TMEM59: variants seen among roughly 807,000 people sequenced by gnomAD.
TMEM59 encodes dendritic cell factor 1.
Under a neutral mutation model 42.2 loss-of-function variants are expected in TMEM59, and 44 were observed. The ratio of observed to expected loss-of-function variants is 1.04; its 90% CI spans 0.82 to 1.34. The LOEUF (loss-of-function observed/expected upper bound fraction) is 1.34. Among genes scored for constraint, TMEM59 ranks in the 40% most tolerant of loss-of-function variants. TMEM59 has a pLI of 0.00. For missense variants in TMEM59, 359 were observed against 382.8 expected, an observed-to-expected ratio of 0.94 and a Z score of 0.52; for synonymous variants, 148 against 145.8, an observed-to-expected ratio of 1.02 and a Z score of -0.11.
At chr1:54,036,818 A>C in intron 6 of TMEM59, 100 bp from the exon 7 acceptor site, 1 of 674,230 alleles carries the variant, frequency 1.5e-6, no homozygotes. Context: ...CAGTACAATT[A>C]AAACTTTGTT....
At chr1:54,037,572 T>C (rs1369340256) in intron 6 of TMEM59, among the ~76,000 whole-genome samples, 15 of 152,210 alleles carry the variant, frequency 9.9e-5, no homozygotes, top group East Asian at 1.9e-4. Flanking sequence ...ACAAACTGTG[T>C]AATACAGATA....
At chr1:54,037,018 G>A (rs1656976080) in intron 6 of TMEM59, among the ~76,000 whole-genome samples, 1 of 152,118 alleles carries the variant, frequency 6.6e-6, no homozygotes, top group South Asian at 2.1e-4. Context: ...GCAAGTGAAA[G>A]TGTCCTGTAA....
chr1:54,053,176 T>G lies in TMEM59; in HGVS notation c.13A>C (p.Lys5Gln), dbSNP rs1007080168. The part of the protein sequence containing the change: MAAP[K>Q]GSLWVRTQLG... ...TGGGTCCTCACCCAGAGGCTCCCCT[T>G]CGGCGCCGCCATCTTGTTCCCCTCT... The change falls in exon 1 of 8, where the codon AAG (lysine) becomes CAG (glutamine). Residue 5 changes from lysine to glutamine, a missense_variant. By Grantham distance (53) the Lys-to-Gln change is moderately conservative. Transcript: ENST00000234831. 3 of 1,614,066 alleles carry G rather than the reference T, an allele frequency of 1.9e-6. No homozygotes were observed. In the East Asian group the frequency reaches 6.7e-5, roughly 36 times the overall value.
Position 54,026,790 on chromosome 1 carries a change from G to A in TMEM59, c.*5360C>T, listed in dbSNP as rs1299322825. The A allele has an allele frequency of 6.6e-6, 1 of 152,192 alleles. No individual in the cohort carries two copies. Among genetic ancestry groups the A allele is most frequent in the Admixed American group, 6.5e-5 (1 of 15,286 alleles). 9.4% of individuals were successfully genotyped at this position (152,192 alleles called of 1,614,324 possible). Reference sequence around the variant, plus strand: ...ATGGTGGCATGATGGTACACCTGGAGGTAACATTATCAAGAGCTTTTGTTG... The same window carrying A: ...ATGGTGGCATGATGGTACACCTGGAAGTAACATTATCAAGAGCTTTTGTTG... On this transcript the variant is annotated 3_prime_UTR_variant, in exon 8 of 8. Transcript: ENST00000234831.
Position 54,053,066 on chromosome 1 carries a change from G to A in TMEM59, c.123C>T (p.Val41=), listed in dbSNP as rs980132677. Residue 41 remains valine (V), a synonymous_variant, in exon 1 of 8, where the codon GTC becomes GTT. Coordinates refer to ENST00000234831, the MANE Select transcript of TMEM59 (RefSeq NM_004872.5). ...GGTGGCAAGACGCCGTATCACCCAAGACCGAGTCAAATGCTTCAGCCGAAG... is the reference window on the plus strand; with the variant it reads ...GGTGGCAAGACGCCGTATCACCCAAAACCGAGTCAAATGCTTCAGCCGAAG... ...GTASAEAFDS[V]LGDTASCHRA... is the part of the protein sequence containing the mutation. 6.2e-7 allele frequency: 1 copy of A among 1,614,248 alleles called. No individual in the cohort carries two copies. Among genetic ancestry groups the A allele is most frequent in the Non-Finnish European group, 8.5e-7 (1 of 1,180,044 alleles).
chr1:54,040,372 C>T (rs1230349422), intron 6 of TMEM59, among the ~76,000 whole-genome samples: 2 of 152,086 alleles, frequency 1.3e-5, no homozygotes, highest in Middle Eastern at 3.2e-3. Context: ...AGGCTGGTCT[C>T]GAACTCCTGA....
chr1:54,046,308 A>T, intron 2 of TMEM59, among the ~76,000 whole-genome samples: 1 of 152,244 alleles, frequency 6.6e-6, no homozygotes, highest in Non-Finnish European at 1.5e-5. Context: ...GGGTATGCAC[A>T]TGGCAAAAGA....
At chr1:54,050,111 T>A (rs1657476226) in intron 1 of TMEM59, among the ~76,000 whole-genome samples, 1 of 151,858 alleles carries the variant, frequency 6.6e-6, no homozygotes. Context: ...TCTCAAAAAG[T>A]GTCTGAGATT....
chr1:54,033,725 G>A (rs1255244752), intron 7 of TMEM59: 1 of 151,900 alleles, frequency 6.6e-6, no homozygotes, highest in East Asian at 1.9e-4. Flanking sequence ...CAACTGACTA[G>A]ATTATAAAGC....
chr1:54,046,789 A>C (rs1273127509), intron 2 of TMEM59, among the ~76,000 whole-genome samples: 1 of 152,254 alleles, frequency 6.6e-6, no homozygotes, highest in Non-Finnish European at 1.5e-5. Flanking sequence ...TGCTTTCAGC[A>C]AAAAGAAAGA....
Position 54,027,106 on chromosome 1 carries a change from A to G in TMEM59, c.*5044T>C, listed in dbSNP as rs974261613. On this transcript the variant is annotated 3_prime_UTR_variant, in exon 8 of 8. Coordinates refer to ENST00000234831, the MANE Select transcript of TMEM59 (RefSeq NM_004872.5). ...AATATAACATTTCCTTCAATTACGA[A>G]TATAGGAAACAGTCCACAGTAGGAT... The G allele has an allele frequency of 6.6e-5, 10 of 152,214 alleles. No homozygotes were observed. The highest frequency in any genetic ancestry group is 2.4e-4 in the African/African-American group (10 of 41,448). 9.4% of individuals were successfully genotyped at this position (152,214 alleles called of 1,614,324 possible).
At chr1:54,039,659 T>C (rs569546905) in intron 6 of TMEM59, among the ~76,000 whole-genome samples, 1 of 152,360 alleles carries the variant, frequency 6.6e-6, no homozygotes, top group South Asian at 2.1e-4. Context: ...TGATTTGGAC[T>C]ACTGCAGTTT....
At chr1:54,038,186 G>C (rs1235154789) in intron 6 of TMEM59, among the ~76,000 whole-genome samples, 1 of 151,962 alleles carries the variant, frequency 6.6e-6, no homozygotes, top group Non-Finnish European at 1.5e-5. Context: ...TCAAATTTCT[G>C]ACTCTCCTTA....
chr1:54,036,567 A>G (rs780935166), intron 7 of TMEM59, 43 bp downstream of exon 7: 3 of 1,420,136 alleles, frequency 2.1e-6, no homozygotes, highest in Admixed American at 2.2e-5. Flanking sequence ...TTAAAATGAT[A>G]TATCACAGGG....
rs1408298370 is a variant in TMEM59, at chr1:54,032,304, T to C, written c.818A>G (p.Lys273Arg). Residue 273 changes from lysine to arginine, a missense_variant and splice_region_variant, in exon 8 of 8, where the codon AAG becomes AGG. Lys to Arg is a conservative substitution (Grantham distance 26). Coordinates refer to ENST00000234831, the MANE Select transcript of TMEM59 (RefSeq NM_004872.5). ...TAVEQYVPSE[K>R]LSIYGDLEFM... ...CTCCAAGTCACCATAGATACTCAGC[T>C]TCTGCAAAAGAAAACCAATGTACAT... The C allele has an allele frequency of 1.9e-6, 3 of 1,597,766 alleles. No individual in the cohort carries two copies. The highest frequency in any genetic ancestry group is 2.6e-6 in the Non-Finnish European group (3 of 1,171,790).
At position 54,040,695 on chromosome 1, in the gene TMEM59, A is replaced by G. The variant is rs1657108138; in HGVS notation, c.707+61T>C. 16 of 1,250,706 alleles carry G rather than the reference A, an allele frequency of 1.3e-5. No homozygotes were observed. The South Asian group carries it at 1.9e-4, about 14-fold the overall frequency. 77.5% of individuals were successfully genotyped at this position (1,250,706 alleles called of 1,614,324 possible). A position where few individuals can be genotyped will look rare whatever the true frequency, so the allele number is the denominator to read the frequency against. On this transcript the variant is annotated intron_variant, in intron 6 of 7. Coordinates refer to ENST00000234831, the MANE Select transcript of TMEM59 (RefSeq NM_004872.5). The stretch of plus-strand genomic sequence containing the variant: ...TAATTTTAAAATAATAAAAAGTAAT[A>G]TATCTCTCTGATACAAGCCAGATTT...
At chr1:54,032,744 G>A (rs1557672304) in intron 7 of TMEM59, among the ~76,000 whole-genome samples, 1 of 152,030 alleles carries the variant, frequency 6.6e-6, no homozygotes, top group Non-Finnish European at 1.5e-5. Context: ...CTGATAGAAG[G>A]GTCTTCATAA....
At chr1:54,036,761 A>G (rs1656968182) in intron 6 of TMEM59, 43 bp from the exon 7 acceptor site, 2 of 1,377,440 alleles carry the variant, frequency 1.5e-6, no homozygotes, top group Non-Finnish European at 9.9e-7. Context: ...AAAATTTTAT[A>G]AGAAACAGGA....
chr1:54,049,712 C>T (rs1657464265), intron 1 of TMEM59, among the ~76,000 whole-genome samples: 2 of 152,184 alleles, frequency 1.3e-5, no homozygotes, highest in Admixed American at 1.3e-4. Context: ...GGCACCGTGG[C>T]TCATGCATGT....
Sources: allele counts gnomAD v4.1 joint callset (sites outside exome capture counted in the v4.1 genomes callset), GRCh38; gene constraint gnomAD v4.1.1; transcripts MANE v1.5; gene names NCBI Gene and HGNC (gene_info 2026-07-23, HGNC 2026-07-21).